SASH1: variants seen among roughly 807,000 people sequenced by gnomAD.
SASH1 encodes the protein SAM and SH3 domain-containing protein 1.
In SASH1, 44 loss-of-function variants were observed where a neutral mutation model predicts 125.2. The observed-to-expected ratio is 0.35, with a 90% CI of 0.28 to 0.45. The LOEUF (loss-of-function observed/expected upper bound fraction) is 0.45, where lower values mean the gene tolerates loss of function less well. Ranked by LOEUF, SASH1 falls within the 20% of genes least tolerant of loss-of-function variation. The pLI, the probability that SASH1 is intolerant of heterozygous loss-of-function variation, is 1.00. For synonymous variants in SASH1, 639 were observed against 649.1 expected (o/e 0.98, Z 0.24); for missense variants, 1,426 against 1,614.5 (o/e 0.88, Z 2.00).
intron 4 of SASH1, among the ~76,000 whole-genome samples, chr6:148,466,079 G>C (rs1328115542): frequency 6.6e-6 from 1 of 152,148 alleles, no homozygotes; most frequent in Non-Finnish European, 1.5e-5. Flanking sequence ...GGTAAATACA[G>C]GTATTTTCAT....
In SASH1 at chr6:148,342,950, G is replaced by C. The variant is rs1298968830; in HGVS notation, c.-118G>C. On this transcript the variant is annotated 5_prime_UTR_variant, in exon 1 of 20. Coordinates refer to ENST00000367467, the MANE Select transcript of SASH1 (RefSeq NM_015278.5). Reference sequence around the variant, plus strand: ...CCGGGGCCGCCGGGGCATGCAGCGCGGGGGCGCGGCTCGGTGACGCCGCGG... The same window carrying C: ...CCGGGGCCGCCGGGGCATGCAGCGCCGGGGCGCGGCTCGGTGACGCCGCGG... 87 of 913,160 alleles carry C rather than the reference G, an allele frequency of 9.5e-5. No individual in the cohort carries two copies. The highest frequency in any genetic ancestry group is 1.2e-4 in the Admixed American group (2 of 16,174). The allele number at this position is 913,160 out of a possible 1,614,324, so 56.6% of individuals were successfully genotyped here. A position where few individuals can be genotyped will look rare whatever the true frequency, so the allele number is the denominator to read the frequency against.
At chr6:148,272,298 C>T (rs1022570148), upstream of SASH1, 4 of 467,320 alleles carry the variant, frequency 8.6e-6, no homozygotes, top group African/African-American at 2.0e-5. Flanking sequence ...CAGATTCATG[C>T]GATCTGAGTC....
rs558258463 is a variant in SASH1, at chr6:148,292,118, G to C, written n.74+19741G>C. ...ATGTACTTAATGAAGTGTTTTTCAG[G>C]GTTACTTGAGATTAGAAAGTAGACA... On this transcript the variant is annotated intron_variant and non_coding_transcript_variant, in intron 1 of 3. Coordinates refer to the SASH1 transcript ENST00000367469. Among the ~76,000 whole-genome samples, 8 of 152,250 alleles carry C rather than the reference G, an allele frequency of 5.3e-5. No individual in the cohort carries two copies. The South Asian group carries it at 1.7e-3, about 32-fold the overall frequency.
chr6:148,389,190 C>T (rs943779457), intron 1 of SASH1, among the ~76,000 whole-genome samples: 2 of 151,878 alleles, frequency 1.3e-5, no homozygotes, highest in African/African-American at 2.4e-5. Context: ...GTGGACTACA[C>T]GAGCCGGCTA....
chr6:148,442,764 T>C (rs1427452791), intron 4 of SASH1, among the ~76,000 whole-genome samples: 2 of 152,092 alleles, frequency 1.3e-5, no homozygotes, highest in East Asian at 1.9e-4. Flanking sequence ...TTTCTTTTCT[T>C]TTCTTTTTTA....
At chr6:148,296,126 T>TG (rs2128510666) in intron 1 of SASH1, among the ~76,000 whole-genome samples, 1 of 120,122 alleles carries the variant, frequency 8.3e-6, no homozygotes, top group Non-Finnish European at 1.8e-5. Flanking sequence ...TTGTTTTTGT[T>TG]TTTGTTGTTG....
chr6:148,397,943 CAGG>C (rs751243963), intron 2 of SASH1, among the ~76,000 whole-genome samples: 1 of 152,112 alleles, frequency 6.6e-6, no homozygotes, highest in Non-Finnish European at 1.5e-5. Context: ...CCGTGCTGTG[CAGG>C]AGTACAGAAG....
chr6:148,501,630 G>A (rs148275928), intron 8 of SASH1, among the ~76,000 whole-genome samples: 2 of 152,252 alleles, frequency 1.3e-5, no homozygotes, highest in Non-Finnish European at 2.9e-5. Flanking sequence ...GAAACAATAC[G>A]TTTCTCTGAC....
At chr6:148,287,915 G>A (rs1221232654) in intron 1 of SASH1, among the ~76,000 whole-genome samples, 2 of 152,166 alleles carry the variant, frequency 1.3e-5, no homozygotes, top group African/African-American at 4.8e-5. Context: ...GTACAGTATG[G>A]AACTAACCTT....
the SASH1 span, among the ~76,000 whole-genome samples, chr6:148,264,952 T>G: frequency 1.3e-5 from 2 of 152,264 alleles, no homozygotes; most frequent in Admixed American, 6.5e-5. Flanking sequence ...ATATTCCCAG[T>G]GTCTAGTACA....
chr6:148,282,981 GAGTCAGGAATACATCCATGTATCCCA>G (rs1779383766), intron 1 of SASH1, among the ~76,000 whole-genome samples: 1 of 152,096 alleles, frequency 6.6e-6, no homozygotes, highest in Non-Finnish European at 1.5e-5. Context: ...AGAACGCCTG[GAGTCAGGAATACATCCATGTATCCCA>G]AGGAGGAGAC....
intron 11 of SASH1, among the ~76,000 whole-genome samples, chr6:148,526,412 A>G (rs1781164271): frequency 6.6e-6 from 1 of 152,056 alleles, no homozygotes; most frequent in Non-Finnish European, 1.5e-5. Context: ...GTGTCATAAA[A>G]CTGTAAAATG....
chr6:148,272,237 T>C (rs1024189155), upstream of SASH1: 3 of 427,486 alleles, frequency 7.0e-6, no homozygotes, highest in Non-Finnish European at 1.5e-5. Flanking sequence ...GTGTCCCACA[T>C]CTGCCCTGAA....
chr6:148,513,049 C>A (rs1209141886), intron 8 of SASH1: 1 of 985,362 alleles, frequency 1.0e-6, no homozygotes. Flanking sequence ...CAACGTGCAC[C>A]ATTTTTATGC....
At chr6:148,210,020 A>G in the SASH1 span, among the ~76,000 whole-genome samples, 5 of 152,204 alleles carry the variant, frequency 3.3e-5, no homozygotes, top group Admixed American at 6.5e-5. Flanking sequence ...CAAAAGCCCT[A>G]CATAATTTTC....
At position 148,292,856 on chromosome 6, in the gene SASH1, G is replaced by C. The variant is rs571673010; in HGVS notation, n.74+20479G>C. Among the ~76,000 whole-genome samples, 34 of 152,262 alleles carry C rather than the reference G, an allele frequency of 2.2e-4. 1 individual carries two copies. The South Asian group carries it at 7.1e-3, about 32-fold the overall frequency. ...ACCTGAGGTCAGGAGTTTGAGACCA[G>C]CCTGGCCAACATGACAAAATCCTGT... On this transcript the variant is annotated intron_variant and non_coding_transcript_variant, in intron 1 of 3. Transcript: ENST00000367469.
chr6:148,486,194 C>T (rs1193300683), intron 7 of SASH1, among the ~76,000 whole-genome samples: 1 of 152,162 alleles, frequency 6.6e-6, no homozygotes, highest in Non-Finnish European at 1.5e-5. Flanking sequence ...GATCTCGGCT[C>T]ACCGCAACCT....
intron 6 of SASH1, among the ~76,000 whole-genome samples, chr6:148,473,257 A>AT (rs536285350): frequency 7.3e-5 from 11 of 151,646 alleles, no homozygotes; most frequent in South Asian, 2.1e-4. Flanking sequence ...TTATTTATTT[A>AT]TTTTTTTTGT....
chr6:148,303,330 A>T (rs1780026050), intron 1 of SASH1, among the ~76,000 whole-genome samples: 1 of 152,176 alleles, frequency 6.6e-6, no homozygotes, highest in Non-Finnish European at 1.5e-5. Flanking sequence ...GAAGCCAAGT[A>T]CATATTCATC....
Sources: allele counts gnomAD v4.1 joint callset (sites outside exome capture counted in the v4.1 genomes callset), GRCh38; gene constraint gnomAD v4.1.1; transcripts MANE v1.5; gene names NCBI Gene and HGNC (gene_info 2026-07-23, HGNC 2026-07-21).